Variants in ACTN2 observed in about 807,000 individuals in gnomAD.
ACTN2 encodes alpha-actinin-2.
A neutral mutation model predicts 113.8 loss-of-function variants in ACTN2; 39 were observed. The ratio of observed to expected loss-of-function variants is 0.34; its 90% confidence interval spans 0.27 to 0.45. The LOEUF is 0.45. Ranked by LOEUF, ACTN2 falls within the 20% of genes least tolerant of loss-of-function variation. The probability of loss-of-function intolerance (pLI) is 1.00; values close to 1 mark genes in which losing one functional copy is unlikely to be tolerated. For missense variants in ACTN2, 992 were observed against 1,177.9 expected, an observed-to-expected ratio of 0.84 and a Z score of 2.31; for synonymous variants, 429 against 444.1, an observed-to-expected ratio of 0.97 and a Z score of 0.43.
At chr1:236,695,085 G>C (rs1028058154) in intron 1 of ACTN2, among the ~76,000 whole-genome samples, 2 of 151,864 alleles carry the variant, frequency 1.3e-5, no homozygotes, top group Non-Finnish European at 2.9e-5. Flanking sequence ...AAAATGTTCA[G>C]GCCGGGCACA....
rs73115472 is a variant in ACTN2 at position 236,716,329 on chromosome 1, A to G, written c.127-1529A>G. On this transcript the variant is annotated intron_variant, in intron 1 of 20. Transcript: ENST00000366578. ...CCCCTACTCCCCAGTTTGATGTGCC[A>G]GGCACTTTGTTCTCAAGCCCAGCAG... 8.9e-3 allele frequency among the ~76,000 whole-genome samples: 1,359 copies of G among 152,250 alleles called. 24 individuals carry two copies. The highest frequency in any genetic ancestry group is 0.03 in the African/African-American group (1,260 of 41,536).
At chr1:236,755,668 C>A (rs895352236) in intron 17 of ACTN2, among the ~76,000 whole-genome samples, 6 of 139,864 alleles carry the variant, frequency 4.3e-5, no homozygotes, top group Non-Finnish European at 9.3e-5. Context: ...CGTTAGAACC[C>A]TGGTAATAGA....
intron 11 of ACTN2, among the ~76,000 whole-genome samples, chr1:236,743,555 A>G (rs1659136638): frequency 6.6e-6 from 1 of 151,106 alleles, no homozygotes; most frequent in African/African-American, 2.4e-5. Flanking sequence ...TTCCATAGAC[A>G]TAAGAATATG....
intron 18 of ACTN2, among the ~76,000 whole-genome samples, chr1:236,759,374 A>G (rs1294740466): frequency 1.3e-5 from 2 of 152,248 alleles, no homozygotes; most frequent in East Asian, 3.8e-4. Context: ...AAGGAGTACA[A>G]TGCAGAACTT....
intron 1 of ACTN2, among the ~76,000 whole-genome samples, chr1:236,713,497 G>C (rs1322810437): frequency 6.6e-6 from 1 of 152,142 alleles, no homozygotes; most frequent in Non-Finnish European, 1.5e-5. Context: ...AAAGTGCTGG[G>C]ATTACAGGCA....
intron 14 of ACTN2, among the ~76,000 whole-genome samples, chr1:236,751,137 T>C (rs535970687): frequency 3.4e-5 from 5 of 149,222 alleles, no homozygotes; most frequent in Admixed American, 2.7e-4. Context: ...TAAGTTAAGT[T>C]CTGCTCGTCA....
At chr1:236,721,318 T>A (rs1480657875) in intron 4 of ACTN2, among the ~76,000 whole-genome samples, 1 of 151,938 alleles carries the variant, frequency 6.6e-6, no homozygotes, top group Non-Finnish European at 1.5e-5. Flanking sequence ...GAGACTCTGG[T>A]CTTTTTAAGT....
Position 236,739,507 on chromosome 1 carries a change from TGCCCTCCGA to T in ACTN2, c.1084_1092del (p.Pro362_Glu364del). The T allele has an allele frequency of 6.2e-7, 1 of 1,614,114 alleles. No homozygotes were observed. The highest frequency in any genetic ancestry group is 8.5e-7 in the Non-Finnish European group (1 of 1,179,960). ...CGGATCAGCAACCGTCCTGCCTTCA[TGCCCTCCGA>T]GGGCAAGATGGTGTCGGTGAGTAGC... On this transcript the variant is annotated inframe_deletion, in exon 10 of 21. Coordinates refer to ENST00000366578, the MANE Select transcript of ACTN2 (RefSeq NM_001103.4).
At chr1:236,708,281 C>CAGG (rs1237155042) in intron 1 of ACTN2, among the ~76,000 whole-genome samples, 1 of 152,150 alleles carries the variant, frequency 6.6e-6, no homozygotes, top group East Asian at 1.9e-4. Flanking sequence ...AATGGACTTC[C>CAGG]AGGACATCCT....
At position 236,757,477 on chromosome 1, in the gene ACTN2, C is replaced by T; in HGVS notation, c.2155-9C>T. 1 of 1,614,082 alleles carries T rather than the reference C, an allele frequency of 6.2e-7. No homozygotes were observed. Among genetic ancestry groups the T allele is most frequent in the South Asian group, 1.1e-5 (1 of 91,080 alleles). On this transcript the variant is annotated splice_polypyrimidine_tract_variant and intron_variant, in intron 17 of 20. Transcript: ENST00000366578. ...CTTAGAACTGATCTTTCCCCTTTTC[C>T]CTCAATAGCACATTCGTGTTGGATG... is the stretch of plus-strand genomic sequence containing the variant.
Position 236,763,085 on chromosome 1 carries a change from G to T in ACTN2, c.*466G>T. 5.5e-6 allele frequency: 1 copy of T among 183,030 alleles called. No homozygotes were observed. Among genetic ancestry groups the T allele is most frequent in the Non-Finnish European group, 1.2e-5 (1 of 85,430 alleles). 11.3% of individuals were successfully genotyped at this position (183,030 alleles called of 1,614,324 possible). On this transcript the variant is annotated 3_prime_UTR_variant, in exon 21 of 21. Transcript: ENST00000366578. ...TGATTGCCCCTAGGGGAGTATATTT[G>T]GGATTCTAATGTTTTATTTTCATGC...
intron 10 of ACTN2, among the ~76,000 whole-genome samples, chr1:236,741,737 GTTC>G (rs1311357763): frequency 6.6e-6 from 1 of 152,146 alleles, no homozygotes; most frequent in Non-Finnish European, 1.5e-5. Flanking sequence ...CTGCTGACCG[GTTC>G]TTCTTTTTCT....
At position 236,759,784 on chromosome 1, in the gene ACTN2, G is replaced by C. The variant is rs1196099296; in HGVS notation, c.2362G>C (p.Asp788His). ...AGCCTGCCTGATTTCCATGGGTTAT[G>C]ACCTGGTAAGACAGAAGTTGAAATT... is the stretch of plus-strand genomic sequence containing the variant. ...FRACLISMGY[D>H]LGEAEFARIM... Residue 788 changes from aspartate to histidine, a missense_variant, in exon 19 of 21, where the codon GAC becomes CAC. Physicochemically the swap from Asp to His is moderately conservative, Grantham distance 81. This residue lies in a region of ACTN2 where 736 missense variants were observed against 815.4 expected (regional missense o/e 0.90). Transcript: ENST00000366578. 1 of 1,612,718 alleles carries C rather than the reference G, an allele frequency of 6.2e-7. No individual in the cohort carries two copies. Among genetic ancestry groups the C allele is most frequent in the South Asian group, 1.1e-5 (1 of 91,024 alleles).
chr1:236,742,896 G>A lies in ACTN2; in HGVS notation c.1108G>A (p.Asp370Asn), dbSNP rs776851017. ...FMPSEGKMVS[D>N]IAGAWQRLEQ... ...TTCCCTTGGCTTCCAACCATCCCAG[G>A]ATATTGCTGGTGCCTGGCAGAGGCT... is the stretch of plus-strand genomic sequence containing the variant. Residue 370 changes from aspartate (D) to asparagine (N), a missense_variant and splice_region_variant, in exon 11 of 21, where the codon GAT (aspartate) becomes AAT (asparagine). This residue lies in a region of ACTN2 where 736 missense variants were observed against 815.4 expected (regional missense o/e 0.90). Coordinates refer to ENST00000366578, the MANE Select transcript of ACTN2 (RefSeq NM_001103.4). 6.2e-7 allele frequency: 1 copy of A among 1,614,194 alleles called. No homozygotes were observed. Among genetic ancestry groups the A allele is most frequent in the Non-Finnish European group, 8.5e-7 (1 of 1,180,042 alleles).
In ACTN2 at chr1:236,758,485, T is replaced by C. The variant is rs187985800; in HGVS notation, c.2301+853T>C. Among the ~76,000 whole-genome samples, 894 of 147,074 alleles carry C rather than the reference T, an allele frequency of 6.1e-3. 11 individuals are homozygous for C. The highest frequency in any genetic ancestry group is 0.022 in the African/African-American group (865 of 39,694). ...TTTTTTTTTTCAGTAGAGACGGGGT[T>C]TCGCCATGTTAGGCAGGATGGTCTC... On this transcript the variant is annotated intron_variant, in intron 18 of 20. Transcript: ENST00000366578.
At position 236,758,541 on chromosome 1, in the gene ACTN2, G is replaced by A. The variant is rs150628912; in HGVS notation, c.2301+909G>A. Among the ~76,000 whole-genome samples the A allele has an allele frequency of 6.1e-3, 918 of 150,176 alleles. 10 individuals carry two copies. Among genetic ancestry groups the A allele is most frequent in the African/African-American group, 0.022 (888 of 40,722 alleles). The stretch of plus-strand genomic sequence containing the variant: ...CCTGATCTCATGATCCACCCACCTT[G>A]GCCTCCCAAAGTGCTAGGATTACAA... On this transcript the variant is annotated intron_variant, in intron 18 of 20. Coordinates refer to ENST00000366578, the MANE Select transcript of ACTN2 (RefSeq NM_001103.4).
intron 7 of ACTN2, 64 bp downstream of exon 7, chr1:236,731,378 A>T (rs1658708823): frequency 3.6e-6 from 5 of 1,374,804 alleles, no homozygotes; most frequent in Non-Finnish European, 5.2e-6. Context: ...TTATGGCTAC[A>T]CATTGGGACC....
At chr1:236,747,833 A>G (rs1659283855) in intron 13 of ACTN2, 58 bp downstream of exon 13, 2 of 1,277,072 alleles carry the variant, frequency 1.6e-6, no homozygotes, top group Non-Finnish European at 2.2e-6. Context: ...TCTTTAATTA[A>G]ATCACTGGTA....
At chr1:236,716,923 C>T (rs949938047) in intron 1 of ACTN2, among the ~76,000 whole-genome samples, 2 of 151,120 alleles carry the variant, frequency 1.3e-5, no homozygotes, top group Admixed American at 6.6e-5. Flanking sequence ...CAACCTCCGC[C>T]TCCTGGTTTC....
Sources: gnomAD v4.1 joint callset for allele counts (sites outside exome capture counted in the v4.1 genomes callset) on GRCh38, gnomAD v4.1.1 for gene constraint, gnomAD v4.1.1 regional missense constraint, MANE v1.5 for transcripts, NCBI Gene and HGNC (gene_info 2026-07-23, HGNC 2026-07-21) for gene names.